Variants in BMP6 observed in about 807,000 individuals in gnomAD.
The protein encoded by BMP6 is VG-1-R.
A neutral mutation model predicts 54.1 loss-of-function variants in BMP6; 17 were observed. The ratio of observed to expected loss-of-function variants is 0.31; its 90% CI spans 0.22 to 0.47. BMP6 has a LOEUF of 0.47. Ranked by LOEUF, BMP6 falls within the 20% of genes least tolerant of loss-of-function variation. The probability of loss-of-function intolerance (pLI) is 1.00; values close to 1 mark genes in which losing one functional copy is unlikely to be tolerated. For missense variants in BMP6, 720 were observed against 690.4 expected (o/e 1.04, Z -0.48); for synonymous variants, 328 against 291.2 (o/e 1.13, Z -1.28).
chr6:7,781,332 A>ATGGGGCATGCTCGTGTTGAGTT (rs1554120499), intron 1 of BMP6, among the ~76,000 whole-genome samples: 1 of 151,844 alleles, frequency 6.6e-6, no homozygotes, highest in Non-Finnish European at 1.5e-5. Context: ...ATGCTCGTTC[A>ATGGGGCATGCTCGTGTTGAGTT]TACGTACCAT....
At chr6:7,771,224 GT>G (rs1452471284) in intron 1 of BMP6, among the ~76,000 whole-genome samples, 1 of 152,164 alleles carries the variant, frequency 6.6e-6, no homozygotes, top group Non-Finnish European at 1.5e-5. Flanking sequence ...TTTGATAAAC[GT>G]TAATTACTGT....
intron 1 of BMP6, among the ~76,000 whole-genome samples, chr6:7,817,564 G>A (rs1202541486): frequency 6.9e-6 from 1 of 145,284 alleles, no homozygotes; most frequent in Non-Finnish European, 1.5e-5. Flanking sequence ...TCACACACGG[G>A]GGCCTGTCGT....
At chr6:7,787,259 A>C (rs1395641257) in intron 1 of BMP6, among the ~76,000 whole-genome samples, 1 of 152,210 alleles carries the variant, frequency 6.6e-6, no homozygotes, top group Non-Finnish European at 1.5e-5. Flanking sequence ...CACCATCTGT[A>C]CTGAAAAATA....
At chr6:7,759,290 C>T (rs1281849814) in intron 1 of BMP6, among the ~76,000 whole-genome samples, 1 of 152,154 alleles carries the variant, frequency 6.6e-6, no homozygotes, top group Non-Finnish European at 1.5e-5. Flanking sequence ...CAGAATCTGG[C>T]CAAATGGTTC....
intron 1 of BMP6, among the ~76,000 whole-genome samples, chr6:7,813,086 C>CA (rs61656035): frequency 0.01 from 46 of 4,388 alleles, 10 homozygotes; most frequent in Admixed American, 0.045. Flanking sequence ...CCTGTCTCTA[C>CA]AAAAAAAAAA....
chr6:7,770,665 C>G (rs76421296), intron 1 of BMP6, among the ~76,000 whole-genome samples: 11,080 of 152,298 alleles, frequency 0.073, 621 homozygotes, highest in East Asian at 0.33. Flanking sequence ...CCTTTTGATT[C>G]TGTACATCAC....
intron 1 of BMP6, among the ~76,000 whole-genome samples, chr6:7,817,826 C>T (rs374029080): frequency 4.6e-5 from 7 of 152,230 alleles, no homozygotes; most frequent in African/African-American, 1.4e-4. Flanking sequence ...TCTAGAACAT[C>T]TCCAGTAATG....
chr6:7,865,361 C>T (rs1030074979), intron 4 of BMP6, among the ~76,000 whole-genome samples: 10 of 152,282 alleles, frequency 6.6e-5, no homozygotes, highest in Admixed American at 2.6e-4. Context: ...GAAATCTCTC[C>T]GGTCTCACCT....
At chr6:7,873,345 T>C (rs929192259) in intron 4 of BMP6, among the ~76,000 whole-genome samples, 8 of 152,184 alleles carry the variant, frequency 5.3e-5, no homozygotes, top group Admixed American at 3.9e-4. Flanking sequence ...AGGTTTATTA[T>C]AAGAGGTATG....
chr6:7,837,175 C>T (rs746386431), intron 1 of BMP6, among the ~76,000 whole-genome samples: 1 of 152,134 alleles, frequency 6.6e-6, no homozygotes, highest in South Asian at 2.1e-4. Flanking sequence ...ATCGATTGCT[C>T]TGTTCTTTTT....
intron 2 of BMP6, among the ~76,000 whole-genome samples, chr6:7,854,178 C>G (rs184658223): frequency 4.6e-5 from 7 of 152,220 alleles, no homozygotes; most frequent in Admixed American, 3.3e-4. Flanking sequence ...GGAAACTATG[C>G]CTTATATATT....
intron 1 of BMP6, among the ~76,000 whole-genome samples, chr6:7,751,646 C>T (rs374411844): frequency 1.3e-4 from 20 of 152,276 alleles, no homozygotes; most frequent in South Asian, 2.1e-4. Context: ...ATGGAACAAC[C>T]GTAGCATGTT....
At chr6:7,822,942 T>C (rs1415790691) in intron 1 of BMP6, among the ~76,000 whole-genome samples, 1 of 149,506 alleles carries the variant, frequency 6.7e-6, no homozygotes, top group Admixed American at 6.7e-5. Context: ...TGTGTGTGTG[T>C]ACACACTGGT....
chr6:7,758,332 G>A (rs1441540806), intron 1 of BMP6, among the ~76,000 whole-genome samples: 1 of 152,200 alleles, frequency 6.6e-6, no homozygotes, highest in Non-Finnish European at 1.5e-5. Flanking sequence ...GCTGGATAAA[G>A]AGATGATGAT....
chr6:7,876,989 G>A, intron 4 of BMP6, among the ~76,000 whole-genome samples: 1 of 151,970 alleles, frequency 6.6e-6, no homozygotes, highest in East Asian at 1.9e-4. Context: ...AGTCTCTGGG[G>A]TCCTCTGGGT....
intron 1 of BMP6, among the ~76,000 whole-genome samples, chr6:7,735,714 C>T (rs377454917): frequency 1.7e-3 from 264 of 152,206 alleles, no homozygotes; most frequent in African/African-American, 6.1e-3. Context: ...AATTTGGTAT[C>T]TTTGTTGCAA....
chr6:7,821,901 A>G (rs929092369), intron 1 of BMP6, among the ~76,000 whole-genome samples: 1 of 152,216 alleles, frequency 6.6e-6, no homozygotes, highest in Non-Finnish European at 1.5e-5. Flanking sequence ...TGTGAAGGGG[A>G]AAGTTGCAGG....
At chr6:7,857,654 T>C (rs980242359) in intron 2 of BMP6, among the ~76,000 whole-genome samples, 1 of 152,202 alleles carries the variant, frequency 6.6e-6, no homozygotes, top group African/African-American at 2.4e-5. Context: ...GGAAAGCTTA[T>C]TTTTCACGTG....
At chr6:7,816,081 G>A (rs2113217743) in intron 1 of BMP6, among the ~76,000 whole-genome samples, 2 of 152,288 alleles carry the variant, frequency 1.3e-5, no homozygotes, top group Admixed American at 1.3e-4. Flanking sequence ...ATTTCACACA[G>A]TAAAGGACTA....
Sources: gnomAD v4.1 joint callset for allele counts (sites outside exome capture counted in the v4.1 genomes callset) on GRCh38, gnomAD v4.1.1 for gene constraint, MANE v1.5 for transcripts, NCBI Gene and HGNC (gene_info 2026-07-23, HGNC 2026-07-21) for gene names.